Variants in GPATCH2 observed in about 807,000 individuals in gnomAD.
GPATCH2 encodes G-patch domain containing 2, also known as G patch domain-containing protein 2.
In GPATCH2, 51 loss-of-function variants were observed where a neutral mutation model predicts 58.0. The observed-to-expected ratio is 0.88, with a 90% CI of 0.70 to 1.11. The LOEUF is 1.11. Ranked by LOEUF, GPATCH2 falls within the 50% of genes most tolerant of loss-of-function variation. GPATCH2 has a pLI of 0.00. For synonymous variants in GPATCH2, 222 were observed against 218.5 expected, an observed-to-expected ratio of 1.02 and a Z score of -0.14; for missense variants, 625 against 652.2, an observed-to-expected ratio of 0.96 and a Z score of 0.45.
chr1:217,479,599 G>GA (rs955699560), intron 8 of GPATCH2, among the ~76,000 whole-genome samples: 1 of 152,090 alleles, frequency 6.6e-6, no homozygotes, highest in Admixed American at 6.5e-5. Flanking sequence ...AAGAAAGAAA[G>GA]AAGAGAAGAC....
chr1:217,589,019 G>A (rs1014978038), intron 5 of GPATCH2, among the ~76,000 whole-genome samples: 1 of 152,144 alleles, frequency 6.6e-6, no homozygotes, highest in African/African-American at 2.4e-5. Flanking sequence ...AGCAAACTGA[G>A]CAATTATGAA....
chr1:217,482,624 A>C (rs1411913568), intron 8 of GPATCH2, among the ~76,000 whole-genome samples: 1 of 152,196 alleles, frequency 6.6e-6, no homozygotes, highest in Non-Finnish European at 1.5e-5. Context: ...GTCACATCAC[A>C]TATAGTCTTG....
At chr1:217,523,754 G>A (rs1244017452) in intron 5 of GPATCH2, among the ~76,000 whole-genome samples, 1 of 149,716 alleles carries the variant, frequency 6.7e-6, no homozygotes, top group South Asian at 2.1e-4. Flanking sequence ...GGGCGGCCGG[G>A]CAGAGGCGCC....
At chr1:217,446,885 C>A (rs1659413797) in intron 9 of GPATCH2, among the ~76,000 whole-genome samples, 1 of 152,150 alleles carries the variant, frequency 6.6e-6, no homozygotes, top group Non-Finnish European at 1.5e-5. Context: ...ATTATATTAT[C>A]CGCTCCTCAA....
Position 217,494,700 on chromosome 1 carries a change from C to A in GPATCH2, c.1207-2950G>T, listed in dbSNP as rs192897377. ...CGGAGGTTGCAGTGAGCCGAGATTG[C>A]GCCACTGCACTCCAGCCTGGATGAA... On this transcript the variant is annotated intron_variant, in intron 7 of 9. Transcript: ENST00000366935. 4.4e-3 allele frequency among the ~76,000 whole-genome samples: 673 copies of A among 151,850 alleles called. 3 individuals are homozygous for A. The highest frequency in any genetic ancestry group is 7.6e-3 in the Non-Finnish European group (516 of 67,930).
rs754323000 is a variant in GPATCH2, at chr1:217,610,336, C to T, written c.1083G>A (p.Gly361=). The part of the protein sequence containing the change: ...MSSKNIKKSG[G]TPTSMVPIPG... ...GTATGCCTACCATTGAAGTTGGAGT[C>T]CCTCCAGATTTTTTAATATTCTTTG... Residue 361 remains glycine (G), a synonymous_variant, in exon 5 of 10, where the codon GGG becomes GGA. Coordinates refer to ENST00000366935, the MANE Select transcript of GPATCH2 (RefSeq NM_018040.5). 1 of 1,587,220 alleles carries T rather than the reference C, an allele frequency of 6.3e-7. No homozygotes were observed. Among genetic ancestry groups the T allele is most frequent in the African/African-American group, 1.3e-5 (1 of 74,426 alleles).
chr1:217,459,538 A>G (rs1193166467), intron 8 of GPATCH2, among the ~76,000 whole-genome samples: 1 of 152,160 alleles, frequency 6.6e-6, no homozygotes, highest in Non-Finnish European at 1.5e-5. Context: ...TCTGTTTATC[A>G]TTGATATTTA....
At chr1:217,602,996 A>C (rs1478159279) in intron 5 of GPATCH2, among the ~76,000 whole-genome samples, 2 of 152,184 alleles carry the variant, frequency 1.3e-5, no homozygotes, top group Non-Finnish European at 2.9e-5. Flanking sequence ...TCAAAGGAAG[A>C]ACATGTAATA....
intron 5 of GPATCH2, among the ~76,000 whole-genome samples, chr1:217,596,753 C>T (rs1667849506): frequency 1.3e-5 from 2 of 152,112 alleles, no homozygotes; most frequent in African/African-American, 2.4e-5. Context: ...GTTAAAGTCA[C>T]AGAAGCTCTA....
chr1:217,621,240 G>C (rs1048499649), intron 1 of GPATCH2, among the ~76,000 whole-genome samples: 2 of 152,076 alleles, frequency 1.3e-5, no homozygotes, highest in Admixed American at 1.3e-4. Flanking sequence ...GCATTCTTTG[G>C]GAATTTTTAT....
intron 6 of GPATCH2, among the ~76,000 whole-genome samples, chr1:217,504,016 G>A (rs1475769280): frequency 2.0e-5 from 3 of 152,138 alleles, no homozygotes; most frequent in Non-Finnish European, 4.4e-5. Context: ...ATTCAGTTAG[G>A]TCTCCTGATT....
At position 217,615,367 on chromosome 1, in the gene GPATCH2, G is replaced by A. The variant is rs531309461; in HGVS notation, c.774-1165C>T. 3.2e-4 allele frequency among the ~76,000 whole-genome samples: 49 copies of A among 152,094 alleles called. 1 individual carries two copies. Among genetic ancestry groups the A allele is most frequent in the African/African-American group, 1.0e-3 (42 of 41,530 alleles). The stretch of plus-strand genomic sequence containing the variant: ...TCTCTAGCTTTCTTCCAAATTAAGT[G>A]CATGTACAAAGCTCCCTATATTGTA... On this transcript the variant is annotated intron_variant, in intron 2 of 9. Transcript: ENST00000366935.
At chr1:217,498,160 AAAG>A in intron 7 of GPATCH2, 193 bp downstream of exon 7, 1 of 670,446 alleles carries the variant, frequency 1.5e-6, no homozygotes, top group Non-Finnish European at 2.7e-6. Flanking sequence ...GCAGTAAAGG[AAAG>A]AAAACTCTCA....
At chr1:217,539,581 A>C (rs1664633967) in intron 5 of GPATCH2, among the ~76,000 whole-genome samples, 1 of 152,200 alleles carries the variant, frequency 6.6e-6, no homozygotes, top group African/African-American at 2.4e-5. Context: ...TGATAAATGG[A>C]CTTATTTTCC....
rs570158971 is a variant in GPATCH2 at position 217,594,975 on chromosome 1, C to T, written c.1098+15346G>A. Among the ~76,000 whole-genome samples, 9 of 152,198 alleles carry T rather than the reference C, an allele frequency of 5.9e-5. No homozygotes were observed. In the South Asian group the frequency reaches 1.9e-3, roughly 32 times the overall value. On this transcript the variant is annotated intron_variant, in intron 5 of 9. Transcript: ENST00000366935. ...GGAGCATGCCAAAGGAAAGTAAAGG[C>T]ATTTCAGTAACAAACATATGATTAC...
intron 5 of GPATCH2, among the ~76,000 whole-genome samples, chr1:217,560,071 T>C (rs1472528912): frequency 1.3e-5 from 2 of 152,132 alleles, no homozygotes; most frequent in African/African-American, 2.4e-5. Flanking sequence ...ATGGTCTCGA[T>C]CTCCTGACCT....
chr1:217,554,498 A>G (rs903042025), intron 5 of GPATCH2, among the ~76,000 whole-genome samples: 1 of 152,210 alleles, frequency 6.6e-6, no homozygotes, highest in Admixed American at 6.5e-5. Context: ...CACAGGAAAG[A>G]AATAATGAAA....
chr1:217,610,040 C>G (rs1232965364), intron 5 of GPATCH2: 1 of 1,442,302 alleles, frequency 6.9e-7, no homozygotes, highest in Non-Finnish European at 9.1e-7. Context: ...ATCTTTTCAT[C>G]AAAGAGGCTC....
Position 217,521,358 on chromosome 1 carries a change from CA to C in GPATCH2, c.1099-6470del, listed in dbSNP as rs35333815. Among the ~76,000 whole-genome samples, 58 of 101,136 alleles carry C rather than the reference CA, an allele frequency of 5.7e-4. 3 individuals are homozygous for C. Among genetic ancestry groups the C allele is most frequent in the Non-Finnish European group, 7.3e-4 (40 of 54,984 alleles). The allele number at this position is 101,136 out of a possible 152,430, so 66.3% of individuals were successfully genotyped here. ...TACTTTTTCCCCTACAGGGAGACTG[CA>C]AAAAAAAAAAAAAAAGATGATATAT... On this transcript the variant is annotated intron_variant, in intron 5 of 9. Coordinates refer to ENST00000366935, the MANE Select transcript of GPATCH2 (RefSeq NM_018040.5).
Sources: allele counts gnomAD v4.1 joint callset (sites outside exome capture counted in the v4.1 genomes callset), GRCh38; gene constraint gnomAD v4.1.1; transcripts MANE v1.5; gene names NCBI Gene and HGNC (gene_info 2026-07-23, HGNC 2026-07-21).